CARMIL1: variants seen among roughly 807,000 people sequenced by gnomAD.
CARMIL1 encodes F-actin-uncapping protein LRRC16A.
CARMIL1 carries 90 observed loss-of-function variants against 177.1 expected under a neutral mutation model. The observed-to-expected ratio is 0.51, with a 90% CI of 0.43 to 0.61. The LOEUF (loss-of-function observed/expected upper bound fraction) is 0.61, where lower values mean the gene tolerates loss of function less well. Among genes scored for constraint, CARMIL1 ranks in the 20% least tolerant of loss-of-function variants. CARMIL1 has a pLI of 0.00. For missense variants in CARMIL1, 1,380 were observed against 1,667.0 expected (o/e 0.83, Z 3.00); for synonymous variants, 577 against 606.2 (o/e 0.95, Z 0.71).
intron 11 of CARMIL1, among the ~76,000 whole-genome samples, chr6:25,481,210 A>G (rs1225819340): frequency 6.6e-6 from 1 of 151,968 alleles, no homozygotes; most frequent in Non-Finnish European, 1.5e-5. Context: ...TCCGATAAAA[A>G]CCTGTTTAAC....
intron 2 of CARMIL1, among the ~76,000 whole-genome samples, chr6:25,360,813 G>T (rs1789122200): frequency 6.6e-6 from 1 of 152,136 alleles, no homozygotes; most frequent in African/African-American, 2.4e-5. Flanking sequence ...GAATGAATAT[G>T]CTGACAGCCA....
intron 5 of CARMIL1, among the ~76,000 whole-genome samples, chr6:25,440,656 A>T (rs571145097): frequency 1.4e-4 from 21 of 152,352 alleles, no homozygotes; most frequent in African/African-American, 4.8e-4. Context: ...GTATGCCTTA[A>T]GTCAAAGCTA....
chr6:25,336,339 T>G (rs2690078), intron 2 of CARMIL1, among the ~76,000 whole-genome samples: 106,584 of 151,934 alleles, frequency 0.7, 37,461 homozygotes, highest in African/African-American at 0.74. Context: ...CAGCCATTAG[T>G]ACTCAGCTTC....
intron 2 of CARMIL1, among the ~76,000 whole-genome samples, chr6:25,366,776 T>C (rs1235181067): frequency 6.6e-6 from 1 of 152,132 alleles, no homozygotes; most frequent in Non-Finnish European, 1.5e-5. Flanking sequence ...CCTGGTAAGA[T>C]GCTCATTTAA....
chr6:25,465,700 G>A (rs541750070), intron 8 of CARMIL1, 173 bp from the exon 9 acceptor site: 39 of 569,930 alleles, frequency 6.8e-5, no homozygotes, highest in Non-Finnish European at 1.2e-4. Flanking sequence ...CAACTTTTGG[G>A]AACTTTGAAG....
intron 2 of CARMIL1, among the ~76,000 whole-genome samples, chr6:25,337,803 A>G (rs948077387): frequency 1.3e-5 from 2 of 152,232 alleles, no homozygotes; most frequent in Non-Finnish European, 2.9e-5. Flanking sequence ...GACGTGATAT[A>G]GTGAGGAGTT....
intron 8 of CARMIL1, among the ~76,000 whole-genome samples, chr6:25,453,440 A>G (rs1287890159): frequency 6.6e-6 from 1 of 152,214 alleles, no homozygotes; most frequent in Admixed American, 6.5e-5. Context: ...AACACTTTAC[A>G]TTGAGACAGT....
At chr6:25,346,688 G>A (rs752792509) in intron 2 of CARMIL1, among the ~76,000 whole-genome samples, 90 of 151,946 alleles carry the variant, frequency 5.9e-4, no homozygotes, top group Non-Finnish European at 4.4e-4. Context: ...TTGTGTCATG[G>A]TAGGGTGTCA....
intron 8 of CARMIL1, among the ~76,000 whole-genome samples, chr6:25,461,855 T>A (rs1385978003): frequency 1.3e-5 from 2 of 152,196 alleles, no homozygotes; most frequent in Admixed American, 6.5e-5. Context: ...CAGGTTTTTT[T>A]AAATTTATTT....
chr6:25,555,329 T>A (rs1004721167), intron 28 of CARMIL1, among the ~76,000 whole-genome samples: 1 of 152,230 alleles, frequency 6.6e-6, no homozygotes, highest in Non-Finnish European at 1.5e-5. Flanking sequence ...CATGATTGTT[T>A]AGAGCTCCTG....
chr6:25,491,424 A>G (rs1197857513), intron 13 of CARMIL1, among the ~76,000 whole-genome samples: 3 of 152,242 alleles, frequency 2.0e-5, no homozygotes, highest in African/African-American at 4.8e-5. Context: ...AAAATGAATT[A>G]GCACGGTTCC....
intron 24 of CARMIL1, among the ~76,000 whole-genome samples, chr6:25,532,160 C>T (rs536433470): frequency 1.8e-4 from 27 of 151,308 alleles, no homozygotes; most frequent in South Asian, 1.3e-3. Flanking sequence ...AGTGCAATGG[C>T]GCAACCCTGG....
intron 23 of CARMIL1, among the ~76,000 whole-genome samples, chr6:25,523,077 G>A (rs996506935): frequency 1.3e-5 from 2 of 152,190 alleles, no homozygotes; most frequent in African/African-American, 4.8e-5. Context: ...GGGATTATAG[G>A]TGTGAGCCAC....
chr6:25,424,028 G>A (rs12213948), intron 3 of CARMIL1, among the ~76,000 whole-genome samples: 87,357 of 151,668 alleles, frequency 0.58, 25,185 homozygotes, highest in Middle Eastern at 0.62. Context: ...AGATGAGATA[G>A]GAGAGAATGA....
intron 7 of CARMIL1, 49 bp from the exon 8 acceptor site, chr6:25,450,589 C>T (rs752037988): frequency 8.4e-7 from 1 of 1,191,516 alleles, no homozygotes; most frequent in East Asian, 2.4e-5. Context: ...TCTTGCTTTC[C>T]TGGTCATCTG....
At chr6:25,616,577 A>G (rs1816908441) in intron 36 of CARMIL1, among the ~76,000 whole-genome samples, 1 of 152,190 alleles carries the variant, frequency 6.6e-6, no homozygotes. Flanking sequence ...CAGTATCTAT[A>G]AATGAATAAA....
intron 2 of CARMIL1, among the ~76,000 whole-genome samples, chr6:25,332,761 ACACACACACACGCG>A (rs1383399447): frequency 2.8e-5 from 4 of 140,624 alleles, no homozygotes; most frequent in African/African-American, 8.2e-5. Context: ...ACACACACAC[ACACACACACACGCG>A]CACACACACA....
chr6:25,534,523 A>T (rs1488958825), intron 24 of CARMIL1, among the ~76,000 whole-genome samples: 1 of 152,180 alleles, frequency 6.6e-6, no homozygotes, highest in Non-Finnish European at 1.5e-5. Flanking sequence ...GCTAAAAAAA[A>T]AAATAAAAGT....
At chr6:25,363,909 AT>A (rs547801855) in intron 2 of CARMIL1, among the ~76,000 whole-genome samples, 2 of 151,840 alleles carry the variant, frequency 1.3e-5, no homozygotes, top group African/African-American at 4.8e-5. Flanking sequence ...CACTTTTTAG[AT>A]TTTTTTCTTC....
Sources: allele counts gnomAD v4.1 joint callset (sites outside exome capture counted in the v4.1 genomes callset), GRCh38; gene constraint gnomAD v4.1.1; transcripts MANE v1.5; gene names NCBI Gene and HGNC (gene_info 2026-07-23, HGNC 2026-07-21).